Variants in PCED1B observed in about 807,000 individuals in gnomAD.
PCED1B encodes PC-esterase domain containing 1B, also known as PC-esterase domain-containing protein 1B.
For synonymous variants in PCED1B, 251 were observed against 246.1 expected, an observed-to-expected ratio of 1.02 and a Z score of -0.19; for missense variants, 573 against 573.9, an observed-to-expected ratio of 1.00 and a Z score of 0.02.
chr12:47,093,279 T>A (rs903866451), intron 1 of PCED1B, among the ~76,000 whole-genome samples: 1 of 152,002 alleles, frequency 6.6e-6, no homozygotes, highest in South Asian at 2.1e-4. Flanking sequence ...AAATTTGTTT[T>A]AAGTTTCCTT....
At chr12:47,081,581 A>C (rs1052058794) in intron 1 of PCED1B, among the ~76,000 whole-genome samples, 2 of 152,252 alleles carry the variant, frequency 1.3e-5, no homozygotes, top group Non-Finnish European at 2.9e-5. Context: ...CTGTGTACTT[A>C]AAGGGGAGAG....
intron 2 of PCED1B, among the ~76,000 whole-genome samples, chr12:47,111,381 G>C (rs1939187428): frequency 6.6e-6 from 1 of 152,126 alleles, no homozygotes; most frequent in Admixed American, 6.5e-5. Context: ...GTACTTATTA[G>C]ATTTTTATGT....
intron 2 of PCED1B, among the ~76,000 whole-genome samples, chr12:47,197,791 A>G (rs1942651245): frequency 6.6e-6 from 1 of 152,182 alleles, no homozygotes; most frequent in East Asian, 1.9e-4. Flanking sequence ...ATGATCATTT[A>G]TATGAAAATA....
At chr12:47,225,160 G>A (rs1489538857) in intron 3 of PCED1B, among the ~76,000 whole-genome samples, 1 of 152,154 alleles carries the variant, frequency 6.6e-6, no homozygotes, top group Non-Finnish European at 1.5e-5. Flanking sequence ...TCGAACTCCT[G>A]ATCTCAAGTG....
At chr12:47,102,652 G>A (rs192633847) in intron 1 of PCED1B, among the ~76,000 whole-genome samples, 1 of 152,286 alleles carries the variant, frequency 6.6e-6, no homozygotes, top group African/African-American at 2.4e-5. Context: ...TTACAGTCCT[G>A]AGAGTCGCTT....
intron 1 of PCED1B, among the ~76,000 whole-genome samples, chr12:47,101,148 T>G (rs891179857): frequency 3.9e-5 from 6 of 152,182 alleles, no homozygotes; most frequent in Admixed American, 3.9e-4. Flanking sequence ...ATCTTAAATA[T>G]ATCACCTAGG....
At chr12:47,113,203 A>G (rs1386152205) in intron 2 of PCED1B, among the ~76,000 whole-genome samples, 4 of 152,196 alleles carry the variant, frequency 2.6e-5, no homozygotes, top group Non-Finnish European at 5.9e-5. Flanking sequence ...ACTCAATTAC[A>G]TAATACTGTA....
At chr12:47,201,388 T>G (rs1001169602) in intron 2 of PCED1B, among the ~76,000 whole-genome samples, 2 of 152,056 alleles carry the variant, frequency 1.3e-5, no homozygotes, top group East Asian at 1.9e-4. Context: ...TTGCACAAGT[T>G]AAGTCCTTGA....
intron 3 of PCED1B, among the ~76,000 whole-genome samples, chr12:47,231,484 A>T (rs1323787002): frequency 6.6e-6 from 1 of 152,144 alleles, no homozygotes; most frequent in African/African-American, 2.4e-5. Flanking sequence ...TTCTTAAGTC[A>T]CTGGAAACAA....
Position 47,105,559 on chromosome 12 carries a change from G to A in PCED1B, c.-526+1364G>A, listed in dbSNP as rs560177758. Among the ~76,000 whole-genome samples the A allele has an allele frequency of 5.9e-5, 9 of 152,260 alleles. No individual in the cohort carries two copies. The South Asian group carries it at 1.9e-3, about 32-fold the overall frequency. ...TTAGCGGACTAGGGCCTGAGGTCATGGGGACCTATGAAAAGGAAAATAAAA... is the reference window on the plus strand; with the variant it reads ...TTAGCGGACTAGGGCCTGAGGTCATAGGGACCTATGAAAAGGAAAATAAAA... On this transcript the variant is annotated intron_variant, in intron 2 of 3. Transcript: ENST00000546455.
intron 2 of PCED1B, among the ~76,000 whole-genome samples, chr12:47,158,854 A>T (rs973824721): frequency 6.6e-6 from 1 of 152,206 alleles, no homozygotes; most frequent in Admixed American, 6.5e-5. Flanking sequence ...GCTATTGAAC[A>T]TTAAAACTTA....
rs112810174 is a variant in PCED1B at position 47,218,192 on chromosome 12, C to G, written c.-58+1503C>G. ...GGAGAAGAGAGAAGCGAGAGCTCGG[C>G]TGGACACGGCAGCAGGGAGAAAAAC... On this transcript the variant is annotated intron_variant, in intron 3 of 3. Coordinates refer to ENST00000546455, the MANE Select transcript of PCED1B (RefSeq NM_138371.3). Among the ~76,000 whole-genome samples, 552 of 152,316 alleles carry G rather than the reference C, an allele frequency of 3.6e-3. 4 individuals are homozygous for G. The highest frequency in any genetic ancestry group is 0.013 in the African/African-American group (539 of 41,564).
chr12:47,217,780 T>C (rs900453840), intron 3 of PCED1B, among the ~76,000 whole-genome samples: 1 of 152,154 alleles, frequency 6.6e-6, no homozygotes, highest in Non-Finnish European at 1.5e-5. Context: ...TTTCACCATG[T>C]TGGCCAGGCT....
chr12:47,201,919 G>T (rs1942776405), intron 2 of PCED1B, among the ~76,000 whole-genome samples: 2 of 152,154 alleles, frequency 1.3e-5, no homozygotes, highest in Admixed American at 1.3e-4. Context: ...ATATTTTTAA[G>T]TTTGTCTTTG....
intron 2 of PCED1B, among the ~76,000 whole-genome samples, chr12:47,166,283 A>G (rs1389944939): frequency 6.6e-6 from 1 of 152,106 alleles, no homozygotes; most frequent in Non-Finnish European, 1.5e-5. Flanking sequence ...CACTTCCATG[A>G]CTTTGGTTGA....
chr12:47,167,522 G>C (rs139096845), intron 2 of PCED1B, among the ~76,000 whole-genome samples: 1 of 152,130 alleles, frequency 6.6e-6, no homozygotes, highest in African/African-American at 2.4e-5. Context: ...GAAAGAGCCA[G>C]TTGTCTTTGA....
intron 2 of PCED1B, among the ~76,000 whole-genome samples, chr12:47,189,124 T>C (rs1942366211): frequency 6.6e-6 from 1 of 152,234 alleles, no homozygotes; most frequent in South Asian, 2.1e-4. Context: ...TTTTATCTTC[T>C]TTTTCTTCAG....
chr12:47,183,912 T>G lies in PCED1B; in HGVS notation c.-525-32310T>G, dbSNP rs565680201. On this transcript the variant is annotated intron_variant, in intron 2 of 3. Coordinates refer to ENST00000546455, the MANE Select transcript of PCED1B (RefSeq NM_138371.3). Reference sequence around the variant, plus strand: ...GCCCCCGCACCAGTTGGTGCTATGCTAGGCAGTGGGGATACTGCATGAACA... The same window carrying G: ...GCCCCCGCACCAGTTGGTGCTATGCGAGGCAGTGGGGATACTGCATGAACA... Among the ~76,000 whole-genome samples the G allele has an allele frequency of 4.3e-4, 66 of 152,340 alleles. 1 individual carries two copies. The East Asian group carries it at 0.01, about 24-fold the overall frequency.
chr12:47,109,218 C>T (rs1476983378), intron 2 of PCED1B, among the ~76,000 whole-genome samples: 1 of 152,212 alleles, frequency 6.6e-6, no homozygotes, highest in African/African-American at 2.4e-5. Flanking sequence ...GAAGTCCCTG[C>T]TTGCATACTG....
Sources: gnomAD v4.1 joint callset for allele counts (sites outside exome capture counted in the v4.1 genomes callset) on GRCh38, gnomAD v4.1.1 for gene constraint, MANE v1.5 for transcripts, NCBI Gene and HGNC (gene_info 2026-07-23, HGNC 2026-07-21) for gene names.